The following USP34 variants were observed in gnomAD, a reference collection of about 807,000 sequenced individuals.
The protein encoded by USP34 is ubiquitin specific peptidase 34, also known as ubiquitin carboxyl-terminal hydrolase 34.
A neutral mutation model predicts 460.3 loss-of-function variants in USP34; 70 were observed. That is an observed-to-expected ratio of 0.15 (90% CI 0.13 to 0.19). USP34 has a LOEUF of 0.19. Among genes scored for constraint, USP34 ranks in the 10% least tolerant of loss-of-function variants. USP34 has a pLI of 1.00. For synonymous variants in USP34, 1,647 were observed against 1,405.3 expected (o/e 1.17, Z -3.85); for missense variants, 3,985 against 4,236.2 (o/e 0.94, Z 1.65).
At chr2:61,452,122 C>T (rs1695296702) in intron 1 of USP34, among the ~76,000 whole-genome samples, 1 of 149,292 alleles carries the variant, frequency 6.7e-6, no homozygotes, top group East Asian at 2.0e-4. Context: ...TGCAGTGAGC[C>T]GAGATCATGC....
Position 61,221,568 on chromosome 2 carries a change from C to T in USP34, c.7833G>A (p.Met2611Ile). Residue 2611 changes from methionine (M) to isoleucine (I), a missense_variant, in exon 66 of 80, where the codon ATG (methionine) becomes ATA (isoleucine). Transcript: ENST00000398571. ...NPFFKLLTML[M>I]EFAGGPPGMP... ...TTCCTGGAGGTCCACCAGCAAACTC[C>T]ATTAGCATAGTCAACAACTTAAAGA... 2 of 1,614,108 alleles carry T rather than the reference C, an allele frequency of 1.2e-6. No individual in the cohort carries two copies. The highest frequency in any genetic ancestry group is 1.7e-6 in the Non-Finnish European group (2 of 1,179,980).
intron 38 of USP34, among the ~76,000 whole-genome samples, chr2:61,280,764 C>CT (rs1689511045): frequency 6.6e-6 from 1 of 152,126 alleles, no homozygotes; most frequent in African/African-American, 2.4e-5. Flanking sequence ...AAAACTGTGA[C>CT]TTACTAGAGA....
intron 23 of USP34, among the ~76,000 whole-genome samples, chr2:61,316,432 A>G (rs1412415294): frequency 6.6e-6 from 1 of 151,484 alleles, no homozygotes; most frequent in Non-Finnish European, 1.5e-5. Context: ...TAAAAATACA[A>G]AAATTAGCTG....
intron 48 of USP34, among the ~76,000 whole-genome samples, chr2:61,251,495 T>C (rs142027551): frequency 2.9e-4 from 44 of 152,360 alleles, no homozygotes; most frequent in Admixed American, 1.8e-3. Context: ...AAGATATAAC[T>C]ACAAACTCAG....
intron 68 of USP34, 119 bp from the exon 69 acceptor site, chr2:61,212,048 T>TG: frequency 7.9e-7 from 1 of 1,262,830 alleles, no homozygotes; most frequent in Non-Finnish European, 1.1e-6. Context: ...TAGATTATAC[T>TG]TCCATTCAGA....
chr2:61,268,646 A>G (rs1286037503), intron 41 of USP34, among the ~76,000 whole-genome samples: 2 of 152,054 alleles, frequency 1.3e-5, no homozygotes, highest in Non-Finnish European at 2.9e-5. Flanking sequence ...ATAATAGGGT[A>G]ATTTTTGACT....
intron 75 of USP34, chr2:61,194,349 A>T: frequency 1.0e-6 from 1 of 970,448 alleles, no homozygotes; most frequent in Non-Finnish European, 1.2e-6. Context: ...ACATGTCATC[A>T]CATCTGTGGC....
At position 61,214,077 on chromosome 2, in the gene USP34, C is replaced by T. The variant is rs201357208; in HGVS notation, c.8665G>A (p.Ala2889Thr). Reference sequence around the variant, plus strand: ...TTACTCACTCCAGGGTATTGGCTGGCATGTGGTGTAAGATTCTTAAAGGCC... The same window carrying T: ...TTACTCACTCCAGGGTATTGGCTGGTATGTGGTGTAAGATTCTTAAAGGCC... ...QWAFKNLTPH[A>T]SQYPGAVEEL... The change falls in exon 68 of 80, where the codon GCC becomes ACC. Residue 2889 changes from alanine (A) to threonine (T), a missense_variant. Around this residue, in one of 14 missense-constraint regions of USP34, gnomAD observed 275 missense variants for 292.7 expected, o/e 0.94. Coordinates refer to ENST00000398571, the MANE Select transcript of USP34 (RefSeq NM_014709.4). The T allele has an allele frequency of 1.4e-5, 23 of 1,614,162 alleles. No homozygotes were observed. In the Admixed American group the frequency reaches 3.8e-4, roughly 27 times the overall value.
intron 5 of USP34, among the ~76,000 whole-genome samples, chr2:61,393,354 C>G (rs1222879542): frequency 6.6e-6 from 1 of 150,506 alleles, no homozygotes; most frequent in Non-Finnish European, 1.5e-5. Flanking sequence ...TCACTTAAAT[C>G]TGGGAGACGG....
At chr2:61,257,723 A>G (rs1035648839) in intron 44 of USP34, among the ~76,000 whole-genome samples, 1 of 152,034 alleles carries the variant, frequency 6.6e-6, no homozygotes, top group African/African-American at 2.4e-5. Flanking sequence ...CTTTACCAAC[A>G]TGGTAAAACC....
intron 27 of USP34, among the ~76,000 whole-genome samples, chr2:61,309,362 A>C (rs1196840306): frequency 6.6e-6 from 1 of 152,206 alleles, no homozygotes; most frequent in African/African-American, 2.4e-5. Context: ...TGGATCATGG[A>C]AACAGAATAT....
intron 23 of USP34, 76 bp from the exon 24 acceptor site, chr2:61,315,050 G>T: frequency 8.9e-7 from 1 of 1,128,360 alleles, no homozygotes; most frequent in Non-Finnish European, 1.3e-6. Context: ...AGTATCAAAA[G>T]TAAAAATCAT....
rs1351912406 is a variant in USP34, at chr2:61,294,375, G to A, written c.4461+574C>T. On this transcript the variant is annotated intron_variant, in intron 32 of 79. Transcript: ENST00000398571. ...AAAAAAAATTTATACACACACACAC[G>A]AAAAAGCCTATAAACATCTTTCTAT... Among the ~76,000 whole-genome samples the A allele has an allele frequency of 2.8e-5, 4 of 145,368 alleles. 1 individual carries two copies. The highest frequency in any genetic ancestry group is 4.4e-4 in the South Asian group (2 of 4,512).
At chr2:61,363,159 C>G (rs921084456) in intron 10 of USP34, among the ~76,000 whole-genome samples, 4 of 152,124 alleles carry the variant, frequency 2.6e-5, no homozygotes, top group African/African-American at 9.7e-5. Context: ...CAATGAGATA[C>G]AAATTCACAC....
intron 72 of USP34, 41 bp from the exon 73 acceptor site, chr2:61,204,642 G>T: frequency 6.8e-7 from 1 of 1,476,788 alleles, no homozygotes; most frequent in Non-Finnish European, 9.4e-7. Context: ...AAAATTAAGA[G>T]TTATATCTGC....
chr2:61,414,668 A>G (rs1694143443), intron 2 of USP34, among the ~76,000 whole-genome samples: 1 of 152,218 alleles, frequency 6.6e-6, no homozygotes, highest in Admixed American at 6.5e-5. Flanking sequence ...GAATAAAACA[A>G]CAAAAGCAGA....
chr2:61,411,351 AG>A (rs1415482404), intron 2 of USP34, among the ~76,000 whole-genome samples: 1 of 151,128 alleles, frequency 6.6e-6, no homozygotes, highest in Non-Finnish European at 1.5e-5. Flanking sequence ...ACTGTACTCC[AG>A]CCCAGGTGAC....
Position 61,316,847 on chromosome 2 carries a change from C to T in USP34, c.3282+807G>A, listed in dbSNP as rs1189605672. Among the ~76,000 whole-genome samples, 3 of 152,162 alleles carry T rather than the reference C, an allele frequency of 2.0e-5. No homozygotes were observed. The East Asian group carries it at 5.8e-4, about 29-fold the overall frequency. ...GTTGCAGTGAGCTGAGATCACACCA[C>T]TGCACTCTGGCCTGGGTGACAGAGC... is the stretch of plus-strand genomic sequence containing the variant. On this transcript the variant is annotated intron_variant, in intron 23 of 79. Transcript: ENST00000398571.
At position 61,187,536 on chromosome 2, in the gene USP34, A is replaced by AAAAC; in HGVS notation, c.*562_*565dup. On this transcript the variant is annotated 3_prime_UTR_variant, in exon 80 of 80. Coordinates refer to ENST00000398571, the MANE Select transcript of USP34 (RefSeq NM_014709.4). ...ATCAATCAGTCATGTCAATAAAAAT[A>AAAAC]AAACAATTATTTTTACATCAAGTGT... The AAAAC allele has an allele frequency of 4.1e-6, 4 of 981,004 alleles. No homozygotes were observed. The highest frequency in any genetic ancestry group is 4.7e-5 in the South Asian group (1 of 21,178). 60.8% of individuals were successfully genotyped at this position (981,004 alleles called of 1,614,324 possible).
Sources: allele counts gnomAD v4.1 joint callset (sites outside exome capture counted in the v4.1 genomes callset), GRCh38; gene constraint gnomAD v4.1.1; regional missense constraint gnomAD v4.1.1; transcripts MANE v1.5; gene names NCBI Gene and HGNC (gene_info 2026-07-23, HGNC 2026-07-21).